The following ACTR3B variants were observed in gnomAD, a reference collection of about 807,000 sequenced individuals.
The protein encoded by ACTR3B is actin-related protein 3B.
A neutral mutation model predicts 59.0 loss-of-function variants in ACTR3B; 8 were observed. The ratio of observed to expected loss-of-function variants is 0.14; its 90% confidence interval spans 0.08 to 0.24. ACTR3B has a LOEUF of 0.24. ACTR3B is among the 10% of genes least tolerant of loss of function. ACTR3B has a pLI of 1.00. For synonymous variants in ACTR3B, 148 were observed against 197.9 expected (o/e 0.75, Z 2.12); for missense variants, 245 against 552.3 (o/e 0.44, Z 5.58).
intron 9 of ACTR3B, among the ~76,000 whole-genome samples, chr7:152,832,340 A>C (rs1331868730): frequency 6.6e-6 from 1 of 152,182 alleles, no homozygotes; most frequent in East Asian, 1.9e-4. Flanking sequence ...TGGGCCAGAC[A>C]TAGAGATTTG....
intron 1 of ACTR3B, among the ~76,000 whole-genome samples, chr7:152,771,252 G>T (rs1293550593): frequency 6.6e-6 from 1 of 152,158 alleles, no homozygotes; most frequent in African/African-American, 2.4e-5. Flanking sequence ...ACTGTGCCTG[G>T]CTAGAATGGA....
intron 10 of ACTR3B, 62 bp from the exon 11 acceptor site, chr7:152,853,432 G>A: frequency 6.6e-7 from 1 of 1,509,146 alleles, no homozygotes; most frequent in Non-Finnish European, 9.2e-7. Flanking sequence ...CGTCAGCCGG[G>A]GGATGATTAG....
At chr7:152,848,176 G>A (rs1183697492) in intron 9 of ACTR3B, among the ~76,000 whole-genome samples, 1 of 152,224 alleles carries the variant, frequency 6.6e-6, no homozygotes, top group Non-Finnish European at 1.5e-5. Context: ...AAGCAGACCC[G>A]CGTCTTCGAC....
intron 9 of ACTR3B, among the ~76,000 whole-genome samples, chr7:152,835,279 T>C (rs1440943449): frequency 6.6e-6 from 1 of 152,172 alleles, no homozygotes; most frequent in East Asian, 1.9e-4. Context: ...CATGGAATTA[T>C]TAGGTCACCC....
chr7:152,844,397 A>G (rs1798107520), intron 9 of ACTR3B, among the ~76,000 whole-genome samples: 1 of 152,122 alleles, frequency 6.6e-6, no homozygotes, highest in Non-Finnish European at 1.5e-5. Flanking sequence ...TTTTAAAAAA[A>G]TCTATTACAT....
intron 2 of ACTR3B, among the ~76,000 whole-genome samples, chr7:152,788,999 G>A (rs148648111): frequency 0.027 from 4,094 of 151,564 alleles, 13 homozygotes; most frequent in Middle Eastern, 0.089. Flanking sequence ...TCCAGCCTGG[G>A]CAGCAGAACC....
intron 6 of ACTR3B, among the ~76,000 whole-genome samples, chr7:152,818,536 T>C (rs1795894038): frequency 1.3e-5 from 2 of 152,176 alleles, no homozygotes; most frequent in African/African-American, 4.8e-5. Flanking sequence ...CTGCAACCTC[T>C]GCCTCCCAGG....
At chr7:152,776,035 A>G (rs1032199112) in intron 1 of ACTR3B, among the ~76,000 whole-genome samples, 2 of 151,166 alleles carry the variant, frequency 1.3e-5, no homozygotes, top group Admixed American at 1.3e-4. Context: ...TGTATGAGAA[A>G]AGGTCTCAGA....
intron 9 of ACTR3B, among the ~76,000 whole-genome samples, chr7:152,845,725 G>A (rs1281578583): frequency 6.6e-6 from 1 of 152,218 alleles, no homozygotes; most frequent in Non-Finnish European, 1.5e-5. Context: ...CCGGCGCTCA[G>A]GAAAAGTGGA....
At chr7:152,810,314 C>T (rs1272447568) in intron 4 of ACTR3B, among the ~76,000 whole-genome samples, 4 of 151,404 alleles carry the variant, frequency 2.6e-5, no homozygotes, top group Non-Finnish European at 5.9e-5. Context: ...CCCATGTTGG[C>T]CAGGCTGGTC....
chr7:152,849,248 A>G (rs1331703619), intron 9 of ACTR3B, among the ~76,000 whole-genome samples: 1 of 152,142 alleles, frequency 6.6e-6, no homozygotes, highest in Non-Finnish European at 1.5e-5. Flanking sequence ...CCCGTAAGGC[A>G]TGGGTACCCT....
At chr7:152,844,114 A>G (rs1798079317) in intron 9 of ACTR3B, among the ~76,000 whole-genome samples, 3 of 152,306 alleles carry the variant, frequency 2.0e-5, no homozygotes, top group South Asian at 4.1e-4. Flanking sequence ...TTGGAGTGTA[A>G]TGGTGCCATC....
intron 5 of ACTR3B, among the ~76,000 whole-genome samples, chr7:152,816,148 TGTTGCCCAG>T (rs1007419883): frequency 7.2e-5 from 11 of 152,210 alleles, no homozygotes; most frequent in Non-Finnish European, 1.5e-4. Flanking sequence ...GGTTTCACCA[TGTTGCCCAG>T]GCTGGTCTCG....
intron 2 of ACTR3B, among the ~76,000 whole-genome samples, chr7:152,787,688 C>A (rs1390747134): frequency 6.6e-6 from 1 of 152,036 alleles, no homozygotes; most frequent in Non-Finnish European, 1.5e-5. Flanking sequence ...TATCGAGGTA[C>A]CATTTATGCT....
intron 1 of ACTR3B, among the ~76,000 whole-genome samples, chr7:152,764,098 C>T (rs1192575216): frequency 2.6e-5 from 4 of 151,702 alleles, no homozygotes; most frequent in East Asian, 3.9e-4. Context: ...CTCTGCCTCC[C>T]GGGTTCAAGC....
intron 1 of ACTR3B, among the ~76,000 whole-genome samples, chr7:152,766,932 G>T (rs1481880922): frequency 6.6e-6 from 1 of 152,158 alleles, no homozygotes; most frequent in South Asian, 2.1e-4. Flanking sequence ...GACTACAGGT[G>T]CATGCCACCA....
chr7:152,760,103 AC>A (rs1288804334), intron 1 of ACTR3B, among the ~76,000 whole-genome samples, 177 bp downstream of exon 1: 1 of 151,248 alleles, frequency 6.6e-6, no homozygotes, highest in South Asian at 2.1e-4. Flanking sequence ...ACGTCGTAAA[AC>A]CCCCTCTTCC....
intron 1 of ACTR3B, among the ~76,000 whole-genome samples, chr7:152,772,763 TA>T (rs1331833324): frequency 2.1e-5 from 3 of 144,608 alleles, no homozygotes; most frequent in African/African-American, 7.7e-5. Context: ...CCAGCTTCAA[TA>T]ATTGAATAAT....
At chr7:152,762,236 A>G (rs1049632772) in intron 1 of ACTR3B, among the ~76,000 whole-genome samples, 8 of 152,196 alleles carry the variant, frequency 5.3e-5, no homozygotes, top group Non-Finnish European at 5.9e-5. Context: ...GCTGAGTCCA[A>G]AAATAAAGCT....
Sources: gnomAD v4.1 joint callset for allele counts (sites outside exome capture counted in the v4.1 genomes callset) on GRCh38, gnomAD v4.1.1 for gene constraint, MANE v1.5 for transcripts, NCBI Gene and HGNC (gene_info 2026-07-23, HGNC 2026-07-21) for gene names.